Variants in FLT3LG observed in about 807,000 individuals in gnomAD.
FLT3LG encodes the protein fms related receptor tyrosine kinase 3 ligand.
In FLT3LG, 8 loss-of-function variants were observed where a neutral mutation model predicts 30.9. The ratio of observed to expected loss-of-function variants is 0.26; its 90% CI spans 0.15 to 0.47. FLT3LG has a LOEUF of 0.47. Among genes scored for constraint, FLT3LG ranks in the 20% least tolerant of loss-of-function variants. FLT3LG has a pLI of 0.99. For synonymous variants in FLT3LG, 123 were observed against 135.9 expected, an observed-to-expected ratio of 0.91 and a Z score of 0.66; for missense variants, 278 against 306.2, an observed-to-expected ratio of 0.91 and a Z score of 0.69.
chr19:49,478,152 TA>T (rs2122509993), intron 5 of FLT3LG, among the ~76,000 whole-genome samples: 1 of 126,678 alleles, frequency 7.9e-6, no homozygotes, highest in East Asian at 2.1e-4. Flanking sequence ...CCGTTTCTAC[TA>T]AAAAATATAA....
chr19:49,480,767 C>G, intron 8 of FLT3LG, 147 bp downstream of exon 8: 1 of 792,164 alleles, frequency 1.3e-6, no homozygotes, highest in Non-Finnish European at 2.0e-6. Context: ...CGCGGTGGCT[C>G]ACGCCTGTAA....
chr19:49,475,796 G>A lies in FLT3LG; in HGVS notation c.139G>A (p.Glu47Lys), dbSNP rs2079372270. 2.5e-6 allele frequency: 4 copies of A among 1,612,174 alleles called. No homozygotes were observed. The highest frequency in any genetic ancestry group is 3.4e-6 in the Non-Finnish European group (4 of 1,179,882). ...ISSDFAVKIR[E>K]LSDYLLQDYP... is the part of the protein sequence containing the mutation. ...CTCCGACTTCGCTGTCAAAATCCGT[G>A]AGCTGGTGAGCGGCGCTGCCCCGGA... The change falls in exon 3 of 9, where the codon GAG becomes AAG. Residue 47 changes from glutamate (E) to lysine (K), a missense_variant. Around this residue, in one of 3 missense-constraint regions of FLT3LG, gnomAD observed 68 missense variants for 110.0 expected, o/e 0.62. Transcript: ENST00000597551.
In FLT3LG at chr19:49,474,293, G is replaced by C. The variant is rs899340952; in HGVS notation, c.-38+12G>C. 1.7e-5 allele frequency: 8 copies of C among 477,192 alleles called. No homozygotes were observed. Among genetic ancestry groups the C allele is most frequent in the Admixed American group, 7.5e-5 (2 of 26,514 alleles). The allele number at this position is 477,192 out of a possible 1,614,324, so 29.6% of individuals were successfully genotyped here. On this transcript the variant is annotated intron_variant, in intron 1 of 8. Coordinates refer to ENST00000597551, the MANE Select transcript of FLT3LG (RefSeq NM_001459.4). ...CTGGGGCAAGCCTGGTGCGTGAGGA[G>C]ACTTGGACTCTAGGTCCCCAAGGGG...
At position 49,479,498 on chromosome 19, in the gene FLT3LG, C is replaced by CT. The variant is rs1177717575; in HGVS notation, c.481+472dup. 8.6e-3 allele frequency among the ~76,000 whole-genome samples: 824 copies of CT among 96,052 alleles called. 12 individuals are homozygous for CT. The highest frequency in any genetic ancestry group is 0.016 in the African/African-American group (302 of 18,740). The allele number at this position is 96,052 out of a possible 152,430, so 63.0% of individuals were successfully genotyped here. ...GCGTGAGCCACAGTGCCCAGCCTAC[C>CT]TTTTTTTTTTTTTTTTTTTTTGAGA... is the stretch of plus-strand genomic sequence containing the variant. On this transcript the variant is annotated intron_variant, in intron 6 of 8. Transcript: ENST00000597551.
chr19:49,478,764 AATT>A lies in FLT3LG; in HGVS notation c.343-143_343-141del, dbSNP rs1035755722. On this transcript the variant is annotated intron_variant, in intron 5 of 8. Coordinates refer to ENST00000597551, the MANE Select transcript of FLT3LG (RefSeq NM_001459.4). ...AGAGTGAGACTCTATCTCAAAAAAAAATTAATTAATTAAATAAATAAACTCTGA... is the reference window on the plus strand; with the variant it reads ...AGAGTGAGACTCTATCTCAAAAAAAAAATTAATTAAATAAATAAACTCTGA... The A allele has an allele frequency of 7.4e-4, 428 of 576,826 alleles. 2 individuals carry two copies. Among genetic ancestry groups the A allele is most frequent in the Middle Eastern group, 3.0e-3 (4 of 1,340 alleles). The allele number at this position is 576,826 out of a possible 1,614,324, so 35.7% of individuals were successfully genotyped here.
At chr19:49,478,384 G>A (rs1047168450) in intron 5 of FLT3LG, among the ~76,000 whole-genome samples, 6 of 151,638 alleles carry the variant, frequency 4.0e-5, no homozygotes, top group Non-Finnish European at 5.9e-5. Context: ...GGTGAATGGC[G>A]TGAAACCAGG....
chr19:49,484,467 T>C (rs2122584789), intron 8 of FLT3LG, among the ~76,000 whole-genome samples: 1 of 151,592 alleles, frequency 6.6e-6, no homozygotes, highest in Middle Eastern at 3.4e-3. Flanking sequence ...ACTAATTTAG[T>C]GTATTTTTAG....
intron 8 of FLT3LG, 62 bp downstream of exon 8, chr19:49,480,682 G>A: frequency 6.6e-7 from 1 of 1,516,952 alleles, no homozygotes; most frequent in East Asian, 2.4e-5. Flanking sequence ...GGGTCACTAG[G>A]AGGCCATGGA....
rs1460226601 is a variant in FLT3LG, at chr19:49,480,377, C to T, written c.561C>T (p.Leu187=). 1 of 1,610,540 alleles carries T rather than the reference C, an allele frequency of 6.2e-7. No individual in the cohort carries two copies. Among genetic ancestry groups the T allele is most frequent in the Non-Finnish European group, 8.5e-7 (1 of 1,178,752 alleles). ...CGACAGCCCCGCAGCCCCCTCTGCT[C>T]CTCCTACTGCTGCTGCCCGTGGGCC... ...TAPTAPQPPL[L]LLLLLPVGLL... The change falls in exon 7 of 9, where the codon CTC becomes CTT. Residue 187 remains leucine, a synonymous_variant. Transcript: ENST00000597551.
chr19:49,476,351 A>G lies in FLT3LG; in HGVS notation c.199-72A>G. 6.5e-7 allele frequency: 1 copy of G among 1,546,334 alleles called. No homozygotes were observed. Among genetic ancestry groups the G allele is most frequent in the Non-Finnish European group, 8.8e-7 (1 of 1,130,344 alleles). Reference sequence around the variant, plus strand: ...CCCTCAGACCCAGGAGCCCCGGCCCAGCCCCTCCTCCCTCAGACCCAGCAG... The same window carrying G: ...CCCTCAGACCCAGGAGCCCCGGCCCGGCCCCTCCTCCCTCAGACCCAGCAG... On this transcript the variant is annotated intron_variant, in intron 4 of 8. Coordinates refer to ENST00000597551, the MANE Select transcript of FLT3LG (RefSeq NM_001459.4). This position sits in a 1 kb window ranked among gnomAD's most constrained non-coding sequence, Gnocchi z 5.3.
intron 6 of FLT3LG, 105 bp from the exon 7 acceptor site, chr19:49,480,193 C>G (rs2079553218): frequency 2.6e-6 from 2 of 772,250 alleles, no homozygotes; most frequent in Admixed American, 2.9e-5. Flanking sequence ...CACAGAGAGG[C>G]CAAGCAGCCC....
chr19:49,475,738 CCAGGACT>C lies in FLT3LG; in HGVS notation c.82_88del (p.Gln28AlafsTer72). On this transcript the variant is annotated frameshift_variant, in exon 3 of 9. Transcript: ENST00000597551. LOFTEE classifies it high-confidence loss of function. The stretch of plus-strand genomic sequence containing the variant: ...TGCTGAGCTCGGGACTCAGTGGGAC[CCAGGACT>C]GCTCCTTCCAACACAGCCCCATCTC... The C allele has an allele frequency of 6.2e-7, 1 of 1,611,784 alleles. No homozygotes were observed.
Position 49,476,591 on chromosome 19 carries a change from G to A in FLT3LG, c.342+25G>A. ...GGTCAGCCCTCAACTTAGGGGACAAGTGAGGGGAGGGAGATGCCTTCCTAC... is the reference window on the plus strand; with the variant it reads ...GGTCAGCCCTCAACTTAGGGGACAAATGAGGGGAGGGAGATGCCTTCCTAC... On this transcript the variant is annotated intron_variant, in intron 5 of 8. Coordinates refer to ENST00000597551, the MANE Select transcript of FLT3LG (RefSeq NM_001459.4). This position sits in a 1 kb window ranked among gnomAD's most constrained non-coding sequence, Gnocchi z 5.3. 1.2e-6 allele frequency: 2 copies of A among 1,613,688 alleles called. No homozygotes were observed. The highest frequency in any genetic ancestry group is 1.3e-5 in the African/African-American group (1 of 75,058).
Position 49,476,210 on chromosome 19 carries a change from T to C in FLT3LG, c.198+12T>C, listed in dbSNP as rs769757914. On this transcript the variant is annotated intron_variant, in intron 4 of 8. Transcript: ENST00000597551. The surrounding 1 kb of genome is among the most constrained non-coding windows in gnomAD (Gnocchi z 5.3). ...CCAACCTGCAGGACGTAAGTCATGT[T>C]GGGAGGGACCTGGGATGGAGGTGGG... 2 of 1,607,420 alleles carry C rather than the reference T, an allele frequency of 1.2e-6. No individual in the cohort carries two copies. The highest frequency in any genetic ancestry group is 1.7e-6 in the Non-Finnish European group (2 of 1,175,370).
intron 1 of FLT3LG, 58 bp from the exon 2 acceptor site, chr19:49,474,545 G>C (rs1263090237): frequency 2.3e-6 from 3 of 1,302,982 alleles, no homozygotes; most frequent in African/African-American, 1.5e-5. Context: ...GCAAAGGGGC[G>C]GGCAGGGCAG....
Position 49,478,415 on chromosome 19 carries a change from C to T in FLT3LG, c.343-494C>T, listed in dbSNP as rs572691320. 2.1e-4 allele frequency among the ~76,000 whole-genome samples: 32 copies of T among 151,784 alleles called. No individual in the cohort carries two copies. In the East Asian group the frequency reaches 4.5e-3, roughly 21 times the overall value. On this transcript the variant is annotated intron_variant, in intron 5 of 8. Coordinates refer to ENST00000597551, the MANE Select transcript of FLT3LG (RefSeq NM_001459.4). Reference sequence around the variant, plus strand: ...CCAGGAGGCGGAGCTTGCAGTGAGCCGAGATTGCGCCACTGTACTCCAGCC... The same window carrying T: ...CCAGGAGGCGGAGCTTGCAGTGAGCTGAGATTGCGCCACTGTACTCCAGCC...
Position 49,479,907 on chromosome 19 carries a change from C to T in FLT3LG, c.482-391C>T, listed in dbSNP as rs145834657. 4.5e-3 allele frequency among the ~76,000 whole-genome samples: 688 copies of T among 151,950 alleles called. 2 individuals are homozygous for T. The highest frequency in any genetic ancestry group is 0.016 in the African/African-American group (666 of 41,434). On this transcript the variant is annotated intron_variant, in intron 6 of 8. Transcript: ENST00000597551. ...GCAACCTCCATCTCCAGGGTTCAAG[C>T]GAATCTTCTGCCTCAGCCTTCCGAG...
At chr19:49,484,057 G>T (rs1428911775) in intron 8 of FLT3LG, among the ~76,000 whole-genome samples, 1 of 150,224 alleles carries the variant, frequency 6.7e-6, no homozygotes, top group East Asian at 2.0e-4. Flanking sequence ...GCTAATTTTT[G>T]TATTTTTAGT....
intron 7 of FLT3LG, 27 bp downstream of exon 7, chr19:49,480,503 G>A: frequency 6.2e-7 from 1 of 1,600,166 alleles, no homozygotes. Flanking sequence ...GAGGGGGTGA[G>A]GGGGCCGAGA....
Sources: gnomAD v4.1 joint callset for allele counts (sites outside exome capture counted in the v4.1 genomes callset) on GRCh38, gnomAD v4.1.1 for gene constraint, gnomAD v4.1.1 regional missense constraint, Gnocchi (gnomAD v3.1) non-coding constraint, MANE v1.5 for transcripts, NCBI Gene and HGNC (gene_info 2026-07-23, HGNC 2026-07-21) for gene names.